Variants in ASAP1 observed in about 807,000 individuals in gnomAD.
ASAP1 encodes arf-GAP with SH3 domain, ANK repeat and PH domain-containing protein 1.
ASAP1 carries 43 observed loss-of-function variants against 145.2 expected under a neutral mutation model. The ratio of observed to expected loss-of-function variants is 0.30; its 90% CI spans 0.23 to 0.38. The LOEUF (loss-of-function observed/expected upper bound fraction) is 0.38, where lower values mean the gene tolerates loss of function less well. Among genes scored for constraint, ASAP1 ranks in the 10% least tolerant of loss-of-function variants. The probability of loss-of-function intolerance (pLI) is 1.00; values close to 1 mark genes in which losing one functional copy is unlikely to be tolerated. For missense variants in ASAP1, 1,018 were observed against 1,355.3 expected (o/e 0.75, Z 3.91); for synonymous variants, 546 against 515.5 (o/e 1.06, Z -0.80).
intron 7 of ASAP1, 50 bp from the exon 8 acceptor site, chr8:130,180,930 T>A: frequency 6.8e-7 from 1 of 1,477,476 alleles, no homozygotes; most frequent in Non-Finnish European, 9.3e-7. Flanking sequence ...TACACTCATG[T>A]ACAATACCAA....
At chr8:130,127,057 T>G (rs1032537180) in intron 16 of ASAP1, among the ~76,000 whole-genome samples, 1 of 152,202 alleles carries the variant, frequency 6.6e-6, no homozygotes, top group Non-Finnish European at 1.5e-5. Flanking sequence ...GCGGGAACAC[T>G]CAGTGTTAGC....
At chr8:130,060,197 A>G (rs1051666481) in intron 28 of ASAP1, among the ~76,000 whole-genome samples, 1 of 151,546 alleles carries the variant, frequency 6.6e-6, no homozygotes, top group African/African-American at 2.4e-5. Context: ...CAAGGTTCCT[A>G]GGTAATAGTG....
At chr8:130,378,492 C>G (rs114790992) in intron 2 of ASAP1, among the ~76,000 whole-genome samples, 1 of 152,154 alleles carries the variant, frequency 6.6e-6, no homozygotes, top group African/African-American at 2.4e-5. Context: ...AGGCTTGACA[C>G]GCACATAGAT....
At chr8:130,228,195 G>C (rs1817696126) in intron 4 of ASAP1, among the ~76,000 whole-genome samples, 1 of 152,164 alleles carries the variant, frequency 6.6e-6, no homozygotes. Context: ...TCCTGTCAGA[G>C]TAGAGATCAC....
At chr8:130,371,036 A>C (rs1319881374) in intron 2 of ASAP1, among the ~76,000 whole-genome samples, 1 of 152,236 alleles carries the variant, frequency 6.6e-6, no homozygotes, top group Non-Finnish European at 1.5e-5. Flanking sequence ...TAAAAGTGCA[A>C]ATTTTATATG....
In ASAP1 at chr8:130,126,028, A is replaced by G. The variant is rs200907447; in HGVS notation, c.1443T>C (p.His481=). The G allele has an allele frequency of 1.9e-4, 300 of 1,613,934 alleles. 1 individual carries two copies. Among genetic ancestry groups the G allele is most frequent in the Non-Finnish European group, 2.2e-4 (259 of 1,179,944 alleles). Residue 481 remains histidine (H), a synonymous_variant, in exon 17 of 30, where the codon CAT becomes CAC. Transcript: ENST00000518721. ...ILTCIECSGI[H]REMGVHISRI... ...GAGAAATATGAACCCCCATTTCCCT[A>G]TGGATGCCAGAACATTCTATACAGG...
At chr8:130,365,823 T>TGAAC in intron 2 of ASAP1, among the ~76,000 whole-genome samples, 1 of 152,186 alleles carries the variant, frequency 6.6e-6, no homozygotes, top group Non-Finnish European at 1.5e-5. Context: ...AATGAATGAA[T>TGAAC]GAACAAACAT....
At position 130,072,992 on chromosome 8, in the gene ASAP1, TTGA is replaced by T. The variant is rs200884106; in HGVS notation, c.2701+3353_2701+3355del. Among the ~76,000 whole-genome samples the T allele has an allele frequency of 6.4e-3, 974 of 151,360 alleles. 11 individuals carry two copies. The highest frequency in any genetic ancestry group is 0.023 in the African/African-American group (935 of 41,238). On this transcript the variant is annotated intron_variant, in intron 27 of 29. Transcript: ENST00000518721. Reference sequence around the variant, plus strand: ...TTTGTCACAGAAATCTTCTTCTGTGTTGATGATTGTTGTGATGTGAGAGCAGAG... The same window carrying T: ...TTTGTCACAGAAATCTTCTTCTGTGTTGATTGTTGTGATGTGAGAGCAGAG...
intron 3 of ASAP1, among the ~76,000 whole-genome samples, chr8:130,333,643 G>A (rs1379592959): frequency 2.0e-5 from 3 of 152,178 alleles, no homozygotes; most frequent in Non-Finnish European, 4.4e-5. Context: ...AAACGGCATG[G>A]CTGTAACAAT....
At chr8:130,344,148 C>T (rs1177176234) in intron 3 of ASAP1, among the ~76,000 whole-genome samples, 1 of 152,128 alleles carries the variant, frequency 6.6e-6, no homozygotes, top group East Asian at 1.9e-4. Context: ...ACGGGATAAA[C>T]CACCACTTTC....
intron 1 of ASAP1, among the ~76,000 whole-genome samples, chr8:130,442,408 A>G (rs975097417): frequency 1.3e-5 from 2 of 152,192 alleles, no homozygotes; most frequent in East Asian, 1.9e-4. Flanking sequence ...GGGTGTTTCC[A>G]GAAGACCCGC....
intron 3 of ASAP1, among the ~76,000 whole-genome samples, chr8:130,343,350 A>G (rs1314426789): frequency 6.6e-6 from 1 of 152,160 alleles, no homozygotes; most frequent in Non-Finnish European, 1.5e-5. Flanking sequence ...TCTGCTAAGC[A>G]GAGAGTTTGA....
At chr8:130,433,135 C>T (rs1438954045) in intron 1 of ASAP1, among the ~76,000 whole-genome samples, 1 of 152,146 alleles carries the variant, frequency 6.6e-6, no homozygotes, top group African/African-American at 2.4e-5. Flanking sequence ...ATAAACGACA[C>T]CATAGTTTGC....
intron 3 of ASAP1, among the ~76,000 whole-genome samples, chr8:130,281,006 T>A (rs927343814): frequency 6.6e-6 from 1 of 152,172 alleles, no homozygotes; most frequent in African/African-American, 2.4e-5. Context: ...ACATGCTGTT[T>A]TTCCAAATAA....
intron 2 of ASAP1, among the ~76,000 whole-genome samples, chr8:130,397,337 C>A (rs546687795): frequency 6.6e-6 from 1 of 152,164 alleles, no homozygotes; most frequent in East Asian, 1.9e-4. Context: ...GACAGGGTTT[C>A]GCCATGTTGG....
intron 25 of ASAP1, among the ~76,000 whole-genome samples, chr8:130,089,705 C>T (rs2097501530): frequency 6.6e-6 from 1 of 152,172 alleles, no homozygotes; most frequent in Admixed American, 6.5e-5. Context: ...GCAACTATAA[C>T]CTTTCTAAGG....
At chr8:130,324,874 G>A (rs540233443) in intron 3 of ASAP1, among the ~76,000 whole-genome samples, 2 of 152,300 alleles carry the variant, frequency 1.3e-5, no homozygotes, top group African/African-American at 4.8e-5. Context: ...GTGGCACAGT[G>A]CATGAGCATC....
chr8:130,301,347 T>A (rs1822649676), intron 3 of ASAP1, among the ~76,000 whole-genome samples: 1 of 152,180 alleles, frequency 6.6e-6, no homozygotes, highest in Non-Finnish European at 1.5e-5. Context: ...ACGATGGAAA[T>A]CCTGAGGTGA....
chr8:130,419,945 CCTT>C (rs201976916), intron 1 of ASAP1, among the ~76,000 whole-genome samples: 5,110 of 150,412 alleles, frequency 0.034, 119 homozygotes, highest in Middle Eastern at 0.068. Flanking sequence ...GCCTGCACCA[CCTT>C]CTTCTTCTTT....
Sources: allele counts gnomAD v4.1 joint callset (sites outside exome capture counted in the v4.1 genomes callset), GRCh38; gene constraint gnomAD v4.1.1; transcripts MANE v1.5; gene names NCBI Gene and HGNC (gene_info 2026-07-23, HGNC 2026-07-21).